The following NBPF11 variants were observed in gnomAD, a reference collection of about 807,000 sequenced individuals.
The protein encoded by NBPF11 is NBPF member 11, also known as NBPF family member NBPF11.
In NBPF11, 72 loss-of-function variants were observed where a neutral mutation model predicts 93.9. The ratio of observed to expected loss-of-function variants is 0.77; its 90% CI spans 0.63 to 0.93. The LOEUF (loss-of-function observed/expected upper bound fraction) is 0.93. Ranked by LOEUF, NBPF11 falls within the 40% of genes least tolerant of loss-of-function variation. The pLI is 0.00. For synonymous variants in NBPF11, 224 were observed against 304.9 expected, an observed-to-expected ratio of 0.73 and a Z score of 2.76; for missense variants, 705 against 802.2, an observed-to-expected ratio of 0.88 and a Z score of 1.46.
rs1668016459 is a variant in NBPF11 at position 148,122,109 on chromosome 1, C to T, written c.724G>A (p.Val242Ile). ...EEDKVNSSLV[V>I]DRESSHDGCQ... ...CCATCATGAGAGGATTCTCTGTCTACAACCAGAGATGAGTTGACTTTGTCT... is the reference window on the plus strand; with the variant it reads ...CCATCATGAGAGGATTCTCTGTCTATAACCAGAGATGAGTTGACTTTGTCT... The change falls in exon 9 of 24, where the codon GTA (valine) becomes ATA (isoleucine). Residue 242 changes from valine (V) to isoleucine (I), a missense_variant. By Grantham distance (29) the Val-to-Ile change is conservative. Coordinates refer to ENST00000682118, the MANE Select transcript of NBPF11 (RefSeq NM_001385469.3). 1.2e-6 allele frequency: 2 copies of T among 1,613,028 alleles called. No homozygotes were observed. Among genetic ancestry groups the T allele is most frequent in the African/African-American group, 1.3e-5 (1 of 74,850 alleles).
intron 4 of NBPF11, among the ~76,000 whole-genome samples, chr1:148,134,204 G>A (rs1451003930): frequency 2.6e-5 from 4 of 151,270 alleles, no homozygotes; most frequent in Non-Finnish European, 4.4e-5. Flanking sequence ...TCCTTGGTGG[G>A]AGCTAAAGGA....
rs1222411251 is a variant in NBPF11 at position 148,118,629 on chromosome 1, T to A, written c.1082A>T (p.Glu361Val). Reference protein sequence around the residue: ...EKLAEQLKQAEELRQYKVLVH... With the variant: ...EKLAEQLKQAVELRQYKVLVH... ...CATGGGGTCCCCTCACCTGAGCTCC[T>A]CAGCTTGCTTCAGCTGCTCTGCAAG... Residue 361 changes from glutamate (E) to valine (V), a missense_variant, in exon 11 of 24, where the codon GAG becomes GTG. Coordinates refer to ENST00000682118, the MANE Select transcript of NBPF11 (RefSeq NM_001385469.3). 148 of 1,612,454 alleles carry A rather than the reference T, an allele frequency of 9.2e-5. 1 individual carries two copies. In the African/African-American group the frequency reaches 1.5e-3, roughly 16 times the overall value.
chr1:148,116,518 C>T lies in NBPF11; in HGVS notation c.1324G>A (p.Asp442Asn), dbSNP rs1341322812. Residue 442 changes from aspartate (D) to asparagine (N), a missense_variant, in exon 13 of 24, where the codon GAT becomes AAT. Coordinates refer to ENST00000682118, the MANE Select transcript of NBPF11 (RefSeq NM_001385469.3). The part of the protein sequence containing the change: ...KLSPENDNDD[D>N]EDVQVEVAEK... Reference sequence around the variant, plus strand: ...GCCACCTCAACTTGAACATCTTCATCGTCATCGTTATCATTTTCTGTAAAT... The same window carrying T: ...GCCACCTCAACTTGAACATCTTCATTGTCATCGTTATCATTTTCTGTAAAT... The T allele has an allele frequency of 7.8e-5, 57 of 730,676 alleles. No individual in the cohort carries two copies. Among genetic ancestry groups the T allele is most frequent in the Non-Finnish European group, 1.3e-4 (52 of 404,972 alleles). The allele number at this position is 730,676 out of a possible 1,614,324, so 45.3% of individuals were successfully genotyped here. A position where few individuals can be genotyped will look rare whatever the true frequency, so the allele number is the denominator to read the frequency against.
chr1:148,110,014 T>G (rs1394242155), intron 16 of NBPF11, among the ~76,000 whole-genome samples: 2 of 148,370 alleles, frequency 1.3e-5, no homozygotes, highest in African/African-American at 5.1e-5. Flanking sequence ...ACAAAACTCA[T>G]AAGGAATTTT....
At chr1:148,126,003 TTTTG>T (rs1229294681) in intron 5 of NBPF11, among the ~76,000 whole-genome samples, 79 of 152,016 alleles carry the variant, frequency 5.2e-4, no homozygotes, top group Middle Eastern at 3.4e-3. Flanking sequence ...TTATTTATCT[TTTTG>T]TTTGTTTGTT....
chr1:148,106,895 C>G, intron 20 of NBPF11, 47 bp downstream of exon 20: 2 of 740,952 alleles, frequency 2.7e-6, no homozygotes, highest in Admixed American at 2.0e-5. Flanking sequence ...TCACCCCTAT[C>G]TGGAAGGCCA....
chr1:148,139,286 A>C (rs1325900581), intron 2 of NBPF11, among the ~76,000 whole-genome samples: 1 of 145,108 alleles, frequency 6.9e-6, no homozygotes. Flanking sequence ...AAACAGGACT[A>C]CTATTATGTT....
intron 2 of NBPF11, among the ~76,000 whole-genome samples, chr1:148,140,708 A>G (rs3992745): frequency 2.9e-4 from 44 of 152,142 alleles, no homozygotes; most frequent in South Asian, 8.3e-4. Context: ...AGATATCACC[A>G]TAAACCTATC....
At chr1:148,108,340 G>A in intron 18 of NBPF11, 142 bp downstream of exon 18, 1 of 669,636 alleles carries the variant, frequency 1.5e-6, no homozygotes, top group South Asian at 1.8e-5. Context: ...TGGAACTAGA[G>A]TTTCACTCAA....
chr1:148,123,652 A>G (rs1195069811), intron 7 of NBPF11, among the ~76,000 whole-genome samples: 2 of 151,906 alleles, frequency 1.3e-5, no homozygotes, highest in East Asian at 3.8e-4. Flanking sequence ...TCAAGGAAGG[A>G]GGGACACTTG....
intron 21 of NBPF11, 57 bp downstream of exon 21, chr1:148,106,124 G>C: frequency 1.5e-6 from 1 of 670,126 alleles, no homozygotes; most frequent in Non-Finnish European, 2.7e-6. Context: ...TGTTTTCCCT[G>C]AACCAGGAGT....
intron 1 of NBPF11, among the ~76,000 whole-genome samples, chr1:148,148,921 G>C (rs1647458512): frequency 6.6e-6 from 1 of 151,346 alleles, no homozygotes; most frequent in South Asian, 2.1e-4. Context: ...ATCCTAGCTA[G>C]GAAACGCCAG....
chr1:148,119,348 A>G (rs1215037226), intron 10 of NBPF11, among the ~76,000 whole-genome samples: 7 of 152,034 alleles, frequency 4.6e-5, no homozygotes, highest in Admixed American at 3.9e-4. Flanking sequence ...GATAGTGTTT[A>G]CTCTGTGCCA....
At chr1:148,136,808 G>C (rs1334793230) in intron 3 of NBPF11, among the ~76,000 whole-genome samples, 1 of 151,906 alleles carries the variant, frequency 6.6e-6, no homozygotes, top group Non-Finnish European at 1.5e-5. Context: ...ACAGAGGTAA[G>C]GGAATTATGT....
At chr1:148,109,399 C>G (rs1478249757) in intron 16 of NBPF11, 64 bp from the exon 17 acceptor site, 7 of 908,818 alleles carry the variant, frequency 7.7e-6, no homozygotes. Flanking sequence ...CAGAAACATT[C>G]CTCTGTCCAA....
At chr1:148,107,951 G>C (rs1178780641) in intron 18 of NBPF11, among the ~76,000 whole-genome samples, 189 bp from the exon 19 acceptor site, 117,648 of 147,692 alleles carry the variant, frequency 0.8, 44,212 homozygotes, top group South Asian at 0.9. Context: ...CCCAGAAACT[G>C]TGGGTAAACT....
chr1:148,145,201 C>T (rs1374655920), intron 1 of NBPF11, among the ~76,000 whole-genome samples: 115 of 75,606 alleles, frequency 1.5e-3, no homozygotes, highest in East Asian at 2.5e-3. Flanking sequence ...TTTTTTCTTT[C>T]TTTTTTTTTT....
Position 148,122,733 on chromosome 1 carries a change from G to A in NBPF11, c.562C>T (p.Pro188Ser), listed in dbSNP as rs1668158400. 1 of 1,609,592 alleles carries A rather than the reference G, an allele frequency of 6.2e-7. No homozygotes were observed. Among genetic ancestry groups the A allele is most frequent in the Non-Finnish European group, 8.5e-7 (1 of 1,177,130 alleles). The change falls in exon 8 of 24, where the codon CCC (proline) becomes TCC (serine). Residue 188 changes from proline to serine, a missense_variant. This residue lies in a region of NBPF11 where 262 missense variants were observed against 223.1 expected (regional missense o/e 1.17). Coordinates refer to ENST00000682118, the MANE Select transcript of NBPF11 (RefSeq NM_001385469.3). Reference sequence around the variant, plus strand: ...CTCCTGAGTATTCAATGTTACCTGGGGGCAGATGATTCCAGTACTTTCTCA... The same window carrying A: ...CTCCTGAGTATTCAATGTTACCTGGAGGCAGATGATTCCAGTACTTTCTCA... ...EDEKVLESSA[P>S]REVQKAEESK...
chr1:148,108,857 ACACAC>A (rs1664505887), intron 17 of NBPF11, among the ~76,000 whole-genome samples: 1 of 140,074 alleles, frequency 7.1e-6, no homozygotes, highest in African/African-American at 2.6e-5. Context: ...ACACACACAC[ACACAC>A]ACACACACAC....
Sources: gnomAD v4.1 joint callset for allele counts (sites outside exome capture counted in the v4.1 genomes callset) on GRCh38, gnomAD v4.1.1 for gene constraint, gnomAD v4.1.1 regional missense constraint, MANE v1.5 for transcripts, NCBI Gene and HGNC (gene_info 2026-07-23, HGNC 2026-07-21) for gene names.